TTN: variants seen among roughly 807,000 people sequenced by gnomAD.
TTN encodes connectin.
A neutral mutation model predicts 3,223.0 loss-of-function variants in TTN; 1,525 were observed. That is an observed-to-expected ratio of 0.47 (90% CI 0.45 to 0.49). The LOEUF is 0.49. Ranked by LOEUF, TTN falls within the 20% of genes least tolerant of loss-of-function variation. The pLI is 0.00. For synonymous variants in TTN, 14,094 were observed against 15,161.0 expected (o/e 0.93, Z 5.17); for missense variants, 40,786 against 43,424.0 (o/e 0.94, Z 5.40).
intron 9 of TTN, 21 bp from the exon 10 acceptor site, chr2:178,792,218 A>G: frequency 6.3e-7 from 1 of 1,595,826 alleles, no homozygotes; most frequent in Non-Finnish European, 8.5e-7. Context: ...TGATTTAAGA[A>G]AAAACTTTAT....
chr2:178,569,957 G>T lies in TTN; in HGVS notation c.76175C>A (p.Pro25392His). ...ACAAGCCTTTTGGTAAGCAGAAGGAGGGCTTGGTTCACTAAGTCCAGCAGC... is the reference window on the plus strand; with the variant it reads ...ACAAGCCTTTTGGTAAGCAGAAGGATGGCTTGGTTCACTAAGTCCAGCAGC... The part of the protein sequence containing the change: ...ENAAGLSEPS[P>H]PSAYQKACDP... The change falls in exon 326 of 363, where the codon CCT (proline) becomes CAT (histidine). Residue 25392 changes from proline to histidine, a missense_variant. Coordinates refer to ENST00000589042, the MANE Select transcript of TTN (RefSeq NM_001267550.2). 6.2e-7 allele frequency: 1 copy of T among 1,612,382 alleles called. No homozygotes were observed. Among genetic ancestry groups the T allele is most frequent in the Non-Finnish European group, 8.5e-7 (1 of 1,178,970 alleles).
rs2053395243 is a variant in TTN, at chr2:178,601,329, T to C, written c.55668A>G (p.Glu18556=). 2 of 1,609,158 alleles carry C rather than the reference T, an allele frequency of 1.2e-6. No individual in the cohort carries two copies. The highest frequency in any genetic ancestry group is 1.7e-6 in the Non-Finnish European group (2 of 1,176,874). Residue 18556 remains glutamate, a synonymous_variant, in exon 287 of 363, where the codon GAA becomes GAG. Transcript: ENST00000589042. The part of the protein sequence containing the change: ...EQQYFFRVRA[E]NRFGIGPPVE... ...CAGGTGGGCCAATACCAAAACGGTT[T>C]TCTGCTCGCACACGGAAGAAATATT...
intron 197 of TTN, 49 bp from the exon 198 acceptor site, chr2:178,653,370 C>T: frequency 6.2e-7 from 1 of 1,608,720 alleles, no homozygotes; most frequent in Non-Finnish European, 8.5e-7. Context: ...AGACTACTAG[C>T]AAAATATACA....
At position 178,539,042 on chromosome 2, in the gene TTN, C is replaced by G. The variant is rs186405108; in HGVS notation, c.98893G>C (p.Asp32965His). ...TMYTVTGLVPDAEYQFRIIAQ... is the reference protein window; with the variant it reads ...TMYTVTGLVPHAEYQFRIIAQ... Reference sequence around the variant, plus strand: ...ATGATGCGGAACTGATACTCAGCATCGGGAACAAGCCCTGTGACAGTGTAC... The same window carrying G: ...ATGATGCGGAACTGATACTCAGCATGGGGAACAAGCCCTGTGACAGTGTAC... Residue 32965 changes from aspartate (D) to histidine (H), a missense_variant, in exon 353 of 363, where the codon GAT becomes CAT. Transcript: ENST00000589042. 3.6e-4 allele frequency: 575 copies of G among 1,613,640 alleles called. 1 individual carries two copies. Among genetic ancestry groups the G allele is most frequent in the Non-Finnish European group, 4.6e-4 (537 of 1,179,754 alleles).
intron 52 of TTN, 78 bp downstream of exon 52, chr2:178,734,250 G>C: frequency 6.9e-7 from 1 of 1,450,516 alleles, no homozygotes; most frequent in Non-Finnish European, 9.1e-7. Context: ...AGAGAAGAAA[G>C]TACCAGTTTT....
intron 44 of TTN, 142 bp downstream of exon 44, chr2:178,758,842 A>C: frequency 1.2e-6 from 1 of 859,646 alleles, no homozygotes; most frequent in Non-Finnish European, 1.9e-6. Context: ...AGACCATGGC[A>C]TATAACAGGG....
intron 7 of TTN, 36 bp downstream of exon 7, chr2:178,794,886 G>T (rs1433927590): frequency 6.3e-7 from 1 of 1,595,968 alleles, no homozygotes; most frequent in Non-Finnish European, 8.5e-7. Context: ...AAACTAGAAT[G>T]TGAAATAAGG....
In TTN at chr2:178,709,832, G is replaced by C; in HGVS notation, c.28487C>G (p.Thr9496Ser). The change falls in exon 99 of 363, where the codon ACT (threonine) becomes AGT (serine). Residue 9496 changes from threonine (T) to serine (S), a missense_variant. By Grantham distance (58) the Thr-to-Ser change is moderately conservative (BLOSUM62 1). Transcript: ENST00000589042. ...TTCTACTGTCTCTGAGAGTCTTTTA[G>C]TGAAACTTGGTGGGATGAGCCGCTC... Reference protein sequence around the residue: ...IKERLIPPSFTKRLSETVEET... With the variant: ...IKERLIPPSFSKRLSETVEET... 1 of 1,612,174 alleles carries C rather than the reference G, an allele frequency of 6.2e-7. No homozygotes were observed. The highest frequency in any genetic ancestry group is 8.5e-7 in the Non-Finnish European group (1 of 1,179,004).
rs1060500567 is a variant in TTN, at chr2:178,546,621, C to A, written c.94807G>T (p.Val31603Phe). 2 of 1,610,508 alleles carry A rather than the reference C, an allele frequency of 1.2e-6. No homozygotes were observed. The highest frequency in any genetic ancestry group is 1.3e-5 in the African/African-American group (1 of 74,862). Residue 31603 changes from valine to phenylalanine, a missense_variant, in exon 341 of 363, where the codon GTC (valine) becomes TTC (phenylalanine). Physicochemically the swap from Val to Phe is conservative, Grantham distance 50 (BLOSUM62 -1). Coordinates refer to ENST00000589042, the MANE Select transcript of TTN (RefSeq NM_001267550.2). ...ISKGSESTGPVTCRDEYAPPK... is the reference protein window; with the variant it reads ...ISKGSESTGPFTCRDEYAPPK... ...CTACCGTATTCATCTCGGCAAGTGA[C>A]AGGGCCTGTAGATTCAGACCCTTTG...
In TTN at chr2:178,588,672, A is replaced by C. The variant is rs2049585221; in HGVS notation, c.63053T>G (p.Ile21018Ser). ...TRWVPVNKSA[I>S]PERRMKVQNL... ...CTGTACTTTCATACGTCTCTCAGGGATTGCACTCTTGTTGACAGGGACCCA... is the reference window on the plus strand; with the variant it reads ...CTGTACTTTCATACGTCTCTCAGGGCTTGCACTCTTGTTGACAGGGACCCA... Residue 21018 changes from isoleucine (I) to serine (S), a missense_variant, in exon 304 of 363, where the codon ATC becomes AGC. By Grantham distance (142) the Ile-to-Ser change is moderately radical. Coordinates refer to ENST00000589042, the MANE Select transcript of TTN (RefSeq NM_001267550.2). The C allele has an allele frequency of 6.2e-7, 1 of 1,612,856 alleles. No homozygotes were observed. The highest frequency in any genetic ancestry group is 1.3e-5 in the African/African-American group (1 of 74,816).
Position 178,722,802 on chromosome 2 carries a change from G to C in TTN, c.22097C>G (p.Thr7366Ser). 2 of 1,613,352 alleles carry C rather than the reference G, an allele frequency of 1.2e-6. No homozygotes were observed. The highest frequency in any genetic ancestry group is 8.5e-7 in the Non-Finnish European group (1 of 1,179,568). The change falls in exon 76 of 363, where the codon ACT (threonine) becomes AGT (serine). Residue 7366 changes from threonine (T) to serine (S), a missense_variant. By Grantham distance (58) the Thr-to-Ser change is moderately conservative. Transcript: ENST00000589042. ...TGTAAAGTAGGTCCTGTATTCAGGA[G>C]TTGGCCGTAATTTGGTATCTCCTTT... ...WYKGDTKLRPTPEYRTYFTNN... is the reference protein window; with the variant it reads ...WYKGDTKLRPSPEYRTYFTNN...
chr2:178,653,087 T>G lies in TTN; in HGVS notation c.38829A>C (p.Lys12943Asn). ...GTTTTTTAGGAGGAGTCACTGGCAC[T>G]TTCTTTTCAGGAACAACTTCTTTGG... Reference protein sequence around the residue: ...EAPKEVVPEKKVPVTPPKKPE... With the variant: ...EAPKEVVPEKNVPVTPPKKPE... Residue 12943 changes from lysine to asparagine, a missense_variant, in exon 199 of 363, where the codon AAA becomes AAC. Lys to Asn is a moderately conservative substitution (Grantham distance 94, BLOSUM62 0). Coordinates refer to ENST00000589042, the MANE Select transcript of TTN (RefSeq NM_001267550.2). The G allele has an allele frequency of 6.2e-7, 1 of 1,613,340 alleles. No individual in the cohort carries two copies. The highest frequency in any genetic ancestry group is 8.5e-7 in the Non-Finnish European group (1 of 1,179,582).
At position 178,580,396 on chromosome 2, in the gene TTN, T is replaced by A. The variant is rs749871897; in HGVS notation, c.66983A>T (p.Asp22328Val). Reference sequence around the variant, plus strand: ...CAGGGTTAAGATATATTTTCCTGCATCATATTTGTTCACATTTTCACAGCG... The same window carrying A: ...CAGGGTTAAGATATATTTTCCTGCAACATATTTGTTCACATTTTCACAGCG... ...FLRCENVNKY[D>V]AGKYILTLEN... Residue 22328 changes from aspartate to valine, a missense_variant, in exon 317 of 363, where the codon GAT (aspartate) becomes GTT (valine). Transcript: ENST00000589042. The A allele has an allele frequency of 6.2e-7, 1 of 1,613,266 alleles. No homozygotes were observed. The highest frequency in any genetic ancestry group is 1.3e-5 in the African/African-American group (1 of 75,012).
chr2:178,680,118 A>G (rs1478074375), intron 139 of TTN, 63 bp from the exon 140 acceptor site: 1 of 1,594,280 alleles, frequency 6.3e-7, no homozygotes, highest in Non-Finnish European at 8.5e-7. Flanking sequence ...AAGACACCTT[A>G]GAAACACAGG....
rs1487846874 is a variant in TTN, at chr2:178,593,943, CCA to C, written c.58432+16_58432+17del. On this transcript the variant is annotated intron_variant, in intron 297 of 362. Transcript: ENST00000589042. ...TGAAAGAACAGAAGATCTATTCTTTCCACTAAATAAGACTTACCAACAACATT... is the reference window on the plus strand; with the variant it reads ...TGAAAGAACAGAAGATCTATTCTTTCCTAAATAAGACTTACCAACAACATT... The C allele has an allele frequency of 6.2e-7, 1 of 1,611,568 alleles. No individual in the cohort carries two copies. The highest frequency in any genetic ancestry group is 8.5e-7 in the Non-Finnish European group (1 of 1,179,258).
At position 178,790,021 on chromosome 2, in the gene TTN, C is replaced by T. The variant is rs150231219; in HGVS notation, c.1895G>A (p.Gly632Asp). The T allele has an allele frequency of 1.0e-4, 163 of 1,613,156 alleles. 1 individual carries two copies. In the Middle Eastern group the frequency reaches 1.2e-3, roughly 11 times the overall value. ...CACTTGTTCTCTTTTGGTAGTAATG[C>T]CTTCTCTACCTCTTGATACTAAATC... ...EQDLVSRGREGITTKREQVQI... is the reference protein window; with the variant it reads ...EQDLVSRGREDITTKREQVQI... The change falls in exon 12 of 363, where the codon GGC (glycine) becomes GAC (aspartate). Residue 632 changes from glycine to aspartate, a missense_variant. By Grantham distance (94) the Gly-to-Asp change is moderately conservative. Transcript: ENST00000589042.
chr2:178,664,607 C>A (rs769393802), intron 167 of TTN, 47 bp downstream of exon 167: 13 of 1,606,402 alleles, frequency 8.1e-6, no homozygotes, highest in Admixed American at 3.4e-5. Context: ...AACATTTATA[C>A]AAGAAAAGAC....
In TTN at chr2:178,776,569, G is replaced by T. The variant is rs145999395; in HGVS notation, c.5295C>A (p.Gly1765=). The T allele has an allele frequency of 3.7e-6, 6 of 1,613,222 alleles. No homozygotes were observed. In the African/African-American group the frequency reaches 8.0e-5, roughly 22 times the overall value. The change falls in exon 28 of 363, where the codon GGC becomes GGA. Residue 1765 remains glycine, a synonymous_variant. Coordinates refer to ENST00000589042, the MANE Select transcript of TTN (RefSeq NM_001267550.2). ...TACCACTGTCTCTAGAATATGCAAC[G>T]CCATAATCAAGGCTGCAGTACCCAA... The part of the protein sequence containing the change: ...NEFGYCSLDY[G]VAYSRDSGII...
At chr2:178,744,289 C>T in intron 47 of TTN, 1 of 811,488 alleles carries the variant, frequency 1.2e-6, no homozygotes, top group South Asian at 5.7e-5. Context: ...TCCTTTGTTA[C>T]AAAATTAAAG....
Sources: allele counts gnomAD v4.1 joint callset, GRCh38; gene constraint gnomAD v4.1.1; transcripts MANE v1.5; gene names NCBI Gene and HGNC (gene_info 2026-07-23, HGNC 2026-07-21).